ENPP5: variants seen among roughly 807,000 people sequenced by gnomAD.
ENPP5 encodes the protein E-NPP 5.
In ENPP5, 27 loss-of-function variants were observed where a neutral mutation model predicts 33.7. That is an observed-to-expected ratio of 0.80 (90% CI 0.59 to 1.11). ENPP5 has a LOEUF of 1.11. ENPP5 is among the 50% of genes least tolerant of loss of function. The probability of loss-of-function intolerance (pLI) is 0.00; values close to 1 mark genes in which losing one functional copy is unlikely to be tolerated. For synonymous variants in ENPP5, 199 were observed against 200.5 expected (o/e 0.99, Z 0.06); for missense variants, 552 against 579.2 (o/e 0.95, Z 0.48).
rs1764375856 is a variant in ENPP5, at chr6:46,161,053, T to C, written c.*273A>G. 1 of 399,300 alleles carries C rather than the reference T, an allele frequency of 2.5e-6. No homozygotes were observed. Among genetic ancestry groups the C allele is most frequent in the Non-Finnish European group, 4.6e-6 (1 of 217,892 alleles). The allele number at this position is 399,300 out of a possible 1,614,324, so 24.7% of individuals were successfully genotyped here. On this transcript the variant is annotated 3_prime_UTR_variant, in exon 5 of 5. Coordinates refer to ENST00000371383, the MANE Select transcript of ENPP5 (RefSeq NM_001290072.2). ...GCAAAGTTGCTAAATATATACATTA[T>C]CTGCGCCAAGTCCAAATAAAGCAGG...
intron 2 of ENPP5, 60 bp from the exon 3 acceptor site, chr6:46,168,357 A>T (rs1651976185): frequency 7.2e-6 from 5 of 694,272 alleles, no homozygotes; most frequent in Non-Finnish European, 1.2e-5. Context: ...CTTTACCCCA[A>T]ACTCAGAGTA....
chr6:46,164,802 G>A (rs1041593572), intron 4 of ENPP5, among the ~76,000 whole-genome samples: 6 of 145,150 alleles, frequency 4.1e-5, no homozygotes, highest in African/African-American at 1.0e-4. Context: ...GCAGTGGCAC[G>A]ATCTCGGCTC....
chr6:46,165,659 G>A, intron 3 of ENPP5, 96 bp from the exon 4 acceptor site: 1 of 978,022 alleles, frequency 1.0e-6, no homozygotes, highest in Non-Finnish European at 1.4e-6. Context: ...AAACCAGAGA[G>A]CTGAACATAA....
intron 1 of ENPP5, among the ~76,000 whole-genome samples, chr6:46,170,315 CAAG>C (rs1764696826): frequency 1.3e-5 from 2 of 151,300 alleles, no homozygotes; most frequent in South Asian, 4.2e-4. Flanking sequence ...GAATGTTTGG[CAAG>C]AAGACTCAAC....
chr6:46,167,783 T>G lies in ENPP5; in HGVS notation c.480A>C (p.Ser160=). ...FPTHYMPYNE[S]VSFEDRVAKI... ...TGGCAACTCTATCTTCAAATGAAAC[T>G]GACTCATTGTAAGGCATGTAATGAG... is the stretch of plus-strand genomic sequence containing the variant. Residue 160 remains serine, a synonymous_variant, in exon 3 of 5, where the codon TCA becomes TCC. Transcript: ENST00000371383. The G allele has an allele frequency of 1.2e-6, 2 of 1,614,058 alleles. No homozygotes were observed. Among genetic ancestry groups the G allele is most frequent in the Non-Finnish European group, 1.7e-6 (2 of 1,179,944 alleles).
rs1165076545 is a variant in ENPP5 at position 46,165,566 on chromosome 6, A to G, written c.830-3T>C. Reference sequence around the variant, plus strand: ...TTCATAGACTTCATCAAATTTACCTAAAGAGAAGGGAGGAGAGGCACTCAG... The same window carrying G: ...TTCATAGACTTCATCAAATTTACCTGAAGAGAAGGGAGGAGAGGCACTCAG... On this transcript the variant is annotated splice_polypyrimidine_tract_variant and splice_region_variant and intron_variant, in intron 3 of 4. Coordinates refer to ENST00000371383, the MANE Select transcript of ENPP5 (RefSeq NM_001290072.2). 6.4e-7 allele frequency: 1 copy of G among 1,555,314 alleles called. No individual in the cohort carries two copies. Among genetic ancestry groups the G allele is most frequent in the Non-Finnish European group, 8.6e-7 (1 of 1,158,270 alleles).
chr6:46,168,206 G>A lies in ENPP5; in HGVS notation c.57C>T (p.Thr19=). The change falls in exon 3 of 5, where the codon ACC becomes ACT. Residue 19 remains threonine (T), a synonymous_variant. Transcript: ENST00000371383. The stretch of plus-strand genomic sequence containing the variant: ...GCTGGTCTGGTTGGAGAGAAAAGGT[G>A]GTTGAAAGACTCAGTGCAGCAAGTA... ...SFILAALSLS[T]TFSLQPDQQK... 1 of 1,610,172 alleles carries A rather than the reference G, an allele frequency of 6.2e-7. No homozygotes were observed.
At position 46,167,815 on chromosome 6, in the gene ENPP5, A is replaced by G. The variant is rs542915713; in HGVS notation, c.448T>C (p.Phe150Leu). Residue 150 changes from phenylalanine (F) to leucine (L), a missense_variant, in exon 3 of 5, where the codon TTT becomes CTT. Coordinates refer to ENST00000371383, the MANE Select transcript of ENPP5 (RefSeq NM_001290072.2). ...PGTDVKIHKR[F>L]PTHYMPYNES... ...TTGTAAGGCATGTAATGAGTAGGAAAGCGCTTATGTATTTTTACATCTGTT... is the reference window on the plus strand; with the variant it reads ...TTGTAAGGCATGTAATGAGTAGGAAGGCGCTTATGTATTTTTACATCTGTT... The G allele has an allele frequency of 6.2e-7, 1 of 1,614,148 alleles. No homozygotes were observed. Among genetic ancestry groups the G allele is most frequent in the African/African-American group, 1.3e-5 (1 of 75,036 alleles).
Position 46,160,404 on chromosome 6 carries a change from C to T in ENPP5, c.*922G>A, listed in dbSNP as rs1271911750. On this transcript the variant is annotated 3_prime_UTR_variant, in exon 5 of 5. Transcript: ENST00000371383. ...ACCAGAAAGAAAACATTGTTTTATCCAATTTGATTTTTAATGTAATTAATA... is the reference window on the plus strand; with the variant it reads ...ACCAGAAAGAAAACATTGTTTTATCTAATTTGATTTTTAATGTAATTAATA... 6.6e-6 allele frequency: 1 copy of T among 152,010 alleles called. No individual in the cohort carries two copies. The highest frequency in any genetic ancestry group is 2.4e-5 in the African/African-American group (1 of 41,390). 9.4% of individuals were successfully genotyped at this position (152,010 alleles called of 1,614,324 possible).
chr6:46,168,802 C>A (rs183433453), intron 2 of ENPP5, among the ~76,000 whole-genome samples: 6 of 151,830 alleles, frequency 4.0e-5, no homozygotes, highest in Admixed American at 2.0e-4. Flanking sequence ...CTATTTTCAA[C>A]CCCTATGTTT....
In ENPP5 at chr6:46,160,088, G is replaced by T. The variant is rs1201890711; in HGVS notation, c.*1238C>A. 6.6e-6 allele frequency: 1 copy of T among 152,146 alleles called. No individual in the cohort carries two copies. The highest frequency in any genetic ancestry group is 1.9e-4 in the East Asian group (1 of 5,196). The allele number at this position is 152,146 out of a possible 1,614,324, so 9.4% of individuals were successfully genotyped here. ...ATTCCACTGAGCACCTGGTAGGTGGGTATTCACATATTTCTTGAAACAGAG... is the reference window on the plus strand; with the variant it reads ...ATTCCACTGAGCACCTGGTAGGTGGTTATTCACATATTTCTTGAAACAGAG... On this transcript the variant is annotated 3_prime_UTR_variant, in exon 5 of 5. Transcript: ENST00000371383.
intron 4 of ENPP5, 24 bp from the exon 5 acceptor site, chr6:46,161,777 A>C: frequency 6.4e-7 from 1 of 1,570,142 alleles, no homozygotes. Context: ...ATATGTGAAA[A>C]AGTTAGCCAA....
At position 46,168,285 on chromosome 6, in the gene ENPP5, A is replaced by G. The variant is rs1764619380; in HGVS notation, c.-23T>C. ...CATTTTCAAAGTACTTGATCAGTTCAGTGTAAGATAATCTGTAGAATAAAC... is the reference window on the plus strand; with the variant it reads ...CATTTTCAAAGTACTTGATCAGTTCGGTGTAAGATAATCTGTAGAATAAAC... On this transcript the variant is annotated 5_prime_UTR_variant, in exon 3 of 5. Transcript: ENST00000371383. 6 of 1,400,408 alleles carry G rather than the reference A, an allele frequency of 4.3e-6. No individual in the cohort carries two copies. Among genetic ancestry groups the G allele is most frequent in the South Asian group, 1.3e-5 (1 of 74,932 alleles). The allele number at this position is 1,400,408 out of a possible 1,614,324, so 86.7% of individuals were successfully genotyped here.
At chr6:46,168,961 G>A (rs985564252) in intron 2 of ENPP5, among the ~76,000 whole-genome samples, 2 of 150,134 alleles carry the variant, frequency 1.3e-5, no homozygotes, top group African/African-American at 2.5e-5. Context: ...CACAGCATTC[G>A]TTGAACTAAA....
chr6:46,160,376 G>A lies in ENPP5; in HGVS notation c.*950C>T, dbSNP rs567466130. On this transcript the variant is annotated 3_prime_UTR_variant, in exon 5 of 5. Transcript: ENST00000371383. The stretch of plus-strand genomic sequence containing the variant: ...AGATGCTTGTGCTCTGTTATTATGC[G>A]CTACCAGAAAGAAAACATTGTTTTA... 1.2e-4 allele frequency: 18 copies of A among 152,100 alleles called. No homozygotes were observed. In the East Asian group the frequency reaches 1.9e-3, roughly 16 times the overall value. 9.4% of individuals were successfully genotyped at this position (152,100 alleles called of 1,614,324 possible). A position where few individuals can be genotyped will look rare whatever the true frequency, so the allele number is the denominator to read the frequency against.
chr6:46,167,658 G>A lies in ENPP5; in HGVS notation c.605C>T (p.Pro202Leu), dbSNP rs139905945. The A allele has an allele frequency of 5.3e-4, 850 of 1,614,060 alleles. 6 individuals are homozygous for A. The South Asian group carries it at 8.0e-3, about 15-fold the overall frequency. Residue 202 changes from proline (P) to leucine (L), a missense_variant, in exon 3 of 5, where the codon CCG becomes CTG. Physicochemically the swap from Pro to Leu is moderately conservative, Grantham distance 98. Coordinates refer to ENST00000371383, the MANE Select transcript of ENPP5 (RefSeq NM_001290072.2). Reference protein sequence around the residue: ...DMGHHLGPDSPLMGPVISDID... With the variant: ...DMGHHLGPDSLLMGPVISDID... ...ATCTGAAATGACAGGCCCCATGAGC[G>A]GACTGTCAGGTCCCAAATGGTGGCC...
At chr6:46,165,801 A>C (rs1436183189) in intron 3 of ENPP5, among the ~76,000 whole-genome samples, 1 of 152,216 alleles carries the variant, frequency 6.6e-6, no homozygotes, top group African/African-American at 2.4e-5. Flanking sequence ...AAAGACTTCA[A>C]TACACACACA....
At chr6:46,165,284 A>T (rs1764507958) in intron 4 of ENPP5, 103 bp downstream of exon 4, 1 of 883,694 alleles carries the variant, frequency 1.1e-6, no homozygotes, top group Non-Finnish European at 1.7e-6. Context: ...CAAGTAACAG[A>T]CAGTAAAAAT....
intron 3 of ENPP5, 104 bp from the exon 4 acceptor site, chr6:46,165,667 T>G (rs755040736): frequency 2.2e-6 from 2 of 897,386 alleles, no homozygotes; most frequent in Non-Finnish European, 3.2e-6. Flanking sequence ...GAGCTGAACA[T>G]AAGAAAAAAT....
Sources: allele counts gnomAD v4.1 joint callset (sites outside exome capture counted in the v4.1 genomes callset), GRCh38; gene constraint gnomAD v4.1.1; transcripts MANE v1.5; gene names NCBI Gene and HGNC (gene_info 2026-07-23, HGNC 2026-07-21).